The following HYCC1 variants were observed in gnomAD, a reference collection of about 807,000 sequenced individuals.
HYCC1 encodes the protein hyccin PI4KA lipid kinase complex subunit 1.
At chr7:22,925,602 T>C in the HYCC1 span, among the ~76,000 whole-genome samples, 42 of 151,910 alleles carry the variant, frequency 2.8e-4, no homozygotes, top group African/African-American at 9.9e-4. Flanking sequence ...ACAAAATGAA[T>C]GAAATGAAGC....
At chr7:22,945,335 A>C in the HYCC1 span, 1 of 528,896 alleles carries the variant, frequency 1.9e-6, no homozygotes, top group Non-Finnish European at 3.4e-6. Flanking sequence ...TCTTAGGGCA[A>C]CAATAACAAA....
chr7:22,948,020 A>G, the HYCC1 span, among the ~76,000 whole-genome samples: 1 of 152,220 alleles, frequency 6.6e-6, no homozygotes, highest in Non-Finnish European at 1.5e-5. Flanking sequence ...CTTTATCTGA[A>G]AACAGCCATT....
the HYCC1 span, chr7:22,934,206 CTTTTTTTTTTTTTTTTTTTTT>C: frequency 1.0e-5 from 1 of 100,182 alleles, no homozygotes. Flanking sequence ...TCTTTTTTTT[CTTTTTTTTTTTTTTTTTTTTT>C]TTTTTTTCCC....
the HYCC1 span, among the ~76,000 whole-genome samples, chr7:22,919,222 T>C: frequency 6.6e-6 from 1 of 152,178 alleles, no homozygotes; most frequent in East Asian, 1.9e-4. Context: ...AAGTAAATGA[T>C]GCATTAAAAA....
At chr7:22,913,557 G>A in the HYCC1 span, among the ~76,000 whole-genome samples, 53 of 152,268 alleles carry the variant, frequency 3.5e-4, no homozygotes, top group Admixed American at 1.4e-3. Flanking sequence ...GCTGGTTCCC[G>A]CCTTAACTGA....
the HYCC1 span, among the ~76,000 whole-genome samples, chr7:22,979,572 T>C: frequency 6.6e-6 from 1 of 152,188 alleles, no homozygotes; most frequent in African/African-American, 2.4e-5. Context: ...TATTTAGCTT[T>C]CAGGGTGGAG....
At chr7:22,969,449 A>C in the HYCC1 span, among the ~76,000 whole-genome samples, 2 of 150,164 alleles carry the variant, frequency 1.3e-5, no homozygotes, top group African/African-American at 2.5e-5. Flanking sequence ...TACAGGCATG[A>C]GCCAACGTCT....
At chr7:22,934,964 C>A in the HYCC1 span, 1 of 152,286 alleles carries the variant, frequency 6.6e-6, no homozygotes, top group East Asian at 1.9e-4. Flanking sequence ...ACCCCCTTAT[C>A]AGTTAGGGAA....
At chr7:22,940,907 T>C in the HYCC1 span, 1 of 151,876 alleles carries the variant, frequency 6.6e-6, no homozygotes, top group Non-Finnish European at 1.5e-5. Flanking sequence ...CCTGAGTAGT[T>C]GGGACTACTA....
chr7:22,922,157 A>G, the HYCC1 span, among the ~76,000 whole-genome samples: 1 of 151,750 alleles, frequency 6.6e-6, no homozygotes, highest in Non-Finnish European at 1.5e-5. Context: ...TAACTTTATG[A>G]ATAATAAAGT....
chr7:22,960,135 C>A, the HYCC1 span: 1 of 1,078,260 alleles, frequency 9.3e-7, no homozygotes, highest in East Asian at 2.4e-5. Context: ...TTAAGGGCAA[C>A]TCCACAGCTC....
chr7:22,962,535 C>T, the HYCC1 span, among the ~76,000 whole-genome samples: 6 of 151,624 alleles, frequency 4.0e-5, no homozygotes, highest in Non-Finnish European at 8.8e-5. Context: ...ATCCCTTTCA[C>T]CCCCCAGCGA....
At chr7:22,987,464 C>T in the HYCC1 span, among the ~76,000 whole-genome samples, 6 of 152,324 alleles carry the variant, frequency 3.9e-5, no homozygotes, top group South Asian at 1.2e-3. Flanking sequence ...ATGAGAATCA[C>T]TTGAACCCAG....
the HYCC1 span, among the ~76,000 whole-genome samples, chr7:22,982,109 T>C: frequency 1.3e-5 from 2 of 151,720 alleles, no homozygotes; most frequent in Non-Finnish European, 2.9e-5. Flanking sequence ...ACAACATTTG[T>C]TAAAAAACAT....
the HYCC1 span, among the ~76,000 whole-genome samples, chr7:22,946,579 T>C: frequency 6.6e-6 from 1 of 152,044 alleles, no homozygotes; most frequent in African/African-American, 2.4e-5. Context: ...TTAAAGACTT[T>C]TTTAGAAGGT....
the HYCC1 span, among the ~76,000 whole-genome samples, chr7:22,926,928 TG>T: frequency 6.6e-6 from 1 of 151,930 alleles, no homozygotes; most frequent in African/African-American, 2.4e-5. Context: ...ACCACATAGT[TG>T]GAAGTAAAGC....
At chr7:22,976,876 A>C in the HYCC1 span, 30 of 888,544 alleles carry the variant, frequency 3.4e-5, no homozygotes, top group Non-Finnish European at 5.6e-5. Flanking sequence ...TATAGAATAT[A>C]TATATACCAC....
At chr7:22,983,256 G>A in the HYCC1 span, among the ~76,000 whole-genome samples, 1 of 151,078 alleles carries the variant, frequency 6.6e-6, no homozygotes. Flanking sequence ...TTGAACCTGG[G>A]AGGTCAAGGC....
chr7:22,924,840 C>G, the HYCC1 span, among the ~76,000 whole-genome samples: 9 of 152,228 alleles, frequency 5.9e-5, no homozygotes, highest in Non-Finnish European at 1.3e-4. Context: ...AGTAGTGGTT[C>G]TCCCAGCATG....
Sources: allele counts gnomAD v4.1 joint callset (sites outside exome capture counted in the v4.1 genomes callset), GRCh38; gene constraint gnomAD v4.1.1; transcripts MANE v1.5; gene names NCBI Gene and HGNC (gene_info 2026-07-23, HGNC 2026-07-21).